The following PRKAA2 variants were observed in gnomAD, a reference collection of about 807,000 sequenced individuals.
The protein encoded by PRKAA2 is 5'-AMP-activated protein kinase catalytic subunit alpha-2.
A neutral mutation model predicts 56.3 loss-of-function variants in PRKAA2; 40 were observed. The ratio of observed to expected loss-of-function variants is 0.71; its 90% CI spans 0.55 to 0.92. The LOEUF (loss-of-function observed/expected upper bound fraction) is 0.92, where lower values mean the gene tolerates loss of function less well. Among genes scored for constraint, PRKAA2 ranks in the 40% least tolerant of loss-of-function variants. The pLI, the probability that PRKAA2 is intolerant of heterozygous loss-of-function variation, is 0.00. For synonymous variants in PRKAA2, 214 were observed against 234.2 expected, an observed-to-expected ratio of 0.91 and a Z score of 0.79; for missense variants, 542 against 686.9, an observed-to-expected ratio of 0.79 and a Z score of 2.36.
chr1:56,665,684 T>A (rs1270691575), intron 1 of PRKAA2, among the ~76,000 whole-genome samples: 1 of 152,236 alleles, frequency 6.6e-6, no homozygotes, highest in African/African-American at 2.4e-5. Flanking sequence ...GTTGCTGTAT[T>A]TCTTGACTAA....
intron 2 of PRKAA2, among the ~76,000 whole-genome samples, chr1:56,676,406 G>C (rs1343919362): frequency 2.0e-5 from 3 of 152,192 alleles, no homozygotes; most frequent in Admixed American, 6.5e-5. Flanking sequence ...TTCTGCGTTT[G>C]AAGATGGAGG....
intron 1 of PRKAA2, among the ~76,000 whole-genome samples, chr1:56,651,250 T>C (rs911606789): frequency 1.3e-5 from 2 of 152,204 alleles, no homozygotes; most frequent in Non-Finnish European, 2.9e-5. Context: ...GAAATGTAGA[T>C]GTAATGTAGA....
intron 2 of PRKAA2, among the ~76,000 whole-genome samples, chr1:56,682,888 A>C (rs181460963): frequency 6.6e-6 from 1 of 152,240 alleles, no homozygotes; most frequent in East Asian, 1.9e-4. Context: ...CAAGTACTTA[A>C]TAGCTGCATA....
chr1:56,667,042 G>T (rs1644041254), intron 1 of PRKAA2, among the ~76,000 whole-genome samples: 1 of 152,088 alleles, frequency 6.6e-6, no homozygotes, highest in East Asian at 1.9e-4. Flanking sequence ...TAATTACAGG[G>T]TATACAGAAG....
chr1:56,678,255 AT>A (rs1457475799), intron 2 of PRKAA2, among the ~76,000 whole-genome samples: 1 of 152,186 alleles, frequency 6.6e-6, no homozygotes, highest in Non-Finnish European at 1.5e-5. Flanking sequence ...ACACTCATGT[AT>A]TTTTGCTACA....
At chr1:56,678,222 A>G (rs551618993) in intron 2 of PRKAA2, among the ~76,000 whole-genome samples, 7 of 152,184 alleles carry the variant, frequency 4.6e-5, no homozygotes, top group Non-Finnish European at 8.8e-5. Context: ...TGATCTTAAA[A>G]CAAAAAACAA....
rs192253069 is a variant in PRKAA2, at chr1:56,698,349, A to G, written c.788+2190A>G. Among the ~76,000 whole-genome samples, 12 of 152,364 alleles carry G rather than the reference A, an allele frequency of 7.9e-5. No individual in the cohort carries two copies. The East Asian group carries it at 2.1e-3, about 27-fold the overall frequency. Reference sequence around the variant, plus strand: ...ATGTTATTGCATTGACTTTTCATATATAGCTATAAACCATTTTACAAACCA... The same window carrying G: ...ATGTTATTGCATTGACTTTTCATATGTAGCTATAAACCATTTTACAAACCA... On this transcript the variant is annotated intron_variant, in intron 6 of 8. Coordinates refer to ENST00000371244, the MANE Select transcript of PRKAA2 (RefSeq NM_006252.4).
intron 2 of PRKAA2, among the ~76,000 whole-genome samples, chr1:56,689,395 C>A (rs1644212302): frequency 6.6e-6 from 1 of 152,146 alleles, no homozygotes; most frequent in Non-Finnish European, 1.5e-5. Flanking sequence ...TGCCATGTTT[C>A]TTCCCAAAGA....
chr1:56,676,518 A>C lies in PRKAA2; in HGVS notation c.236+1996A>C, dbSNP rs570422360. Among the ~76,000 whole-genome samples, 11 of 152,352 alleles carry C rather than the reference A, an allele frequency of 7.2e-5. No individual in the cohort carries two copies. In the South Asian group the frequency reaches 2.3e-3, roughly 32 times the overall value. On this transcript the variant is annotated intron_variant, in intron 2 of 8. Coordinates refer to ENST00000371244, the MANE Select transcript of PRKAA2 (RefSeq NM_006252.4). Reference sequence around the variant, plus strand: ...CAGAAGGCAACACAGCTCTGCTGGCACCTTGATTTTAGCCCACTGAGACAT... The same window carrying C: ...CAGAAGGCAACACAGCTCTGCTGGCCCCTTGATTTTAGCCCACTGAGACAT...
intron 1 of PRKAA2, among the ~76,000 whole-genome samples, chr1:56,673,530 G>A (rs564236327): frequency 6.6e-6 from 1 of 152,256 alleles, no homozygotes; most frequent in South Asian, 2.1e-4. Flanking sequence ...AATGGGAGAG[G>A]TAGCTGACAA....
chr1:56,670,054 A>G (rs1157598996), intron 1 of PRKAA2, among the ~76,000 whole-genome samples: 1 of 152,218 alleles, frequency 6.6e-6, no homozygotes. Flanking sequence ...TTTAGGAAAA[A>G]CAAAATGAAC....
At chr1:56,666,328 T>C (rs1644035773) in intron 1 of PRKAA2, among the ~76,000 whole-genome samples, 1 of 152,274 alleles carries the variant, frequency 6.6e-6, no homozygotes, top group South Asian at 2.1e-4. Context: ...AACAGCAAAG[T>C]AGGTAATTAC....
Position 56,709,379 on chromosome 1 carries a change from T to C in PRKAA2, c.*1666T>C, listed in dbSNP as rs1158087773. 6.6e-6 allele frequency: 1 copy of C among 152,200 alleles called. No individual in the cohort carries two copies. Among genetic ancestry groups the C allele is most frequent in the African/African-American group, 2.4e-5 (1 of 41,458 alleles). The allele number at this position is 152,200 out of a possible 1,614,324, so 9.4% of individuals were successfully genotyped here. On this transcript the variant is annotated 3_prime_UTR_variant, in exon 9 of 9. Coordinates refer to ENST00000371244, the MANE Select transcript of PRKAA2 (RefSeq NM_006252.4). ...ATGTTAAATAACTTATAAGTCCAAC[T>C]TCTTAATATCAAGATAAATGAATAG... is the stretch of plus-strand genomic sequence containing the variant.
intron 5 of PRKAA2, among the ~76,000 whole-genome samples, chr1:56,695,162 C>T (rs1049996202): frequency 7.2e-6 from 1 of 138,762 alleles, no homozygotes; most frequent in Non-Finnish European, 1.5e-5. Flanking sequence ...AAATATCTCT[C>T]TCTCTATATA....
chr1:56,649,309 A>C (rs559007791), intron 1 of PRKAA2, among the ~76,000 whole-genome samples: 1 of 152,366 alleles, frequency 6.6e-6, no homozygotes, highest in East Asian at 1.9e-4. Context: ...TGTTGAATGC[A>C]GGTGCATTTT....
chr1:56,696,907 A>G (rs1644262145), intron 6 of PRKAA2, among the ~76,000 whole-genome samples: 1 of 151,148 alleles, frequency 6.6e-6, no homozygotes, highest in South Asian at 2.1e-4. Context: ...TGTTTCTTAG[A>G]GGTTTTTTCT....
At chr1:56,700,207 A>G (rs1644285229) in intron 6 of PRKAA2, among the ~76,000 whole-genome samples, 1 of 152,086 alleles carries the variant, frequency 6.6e-6, no homozygotes, top group African/African-American at 2.4e-5. Context: ...ATATATGGCT[A>G]CTGAAATCTC....
At position 56,708,008 on chromosome 1, in the gene PRKAA2, C is replaced by T. The variant is rs1401685642; in HGVS notation, c.*295C>T. 5.5e-6 allele frequency: 2 copies of T among 365,802 alleles called. No individual in the cohort carries two copies. Among genetic ancestry groups the T allele is most frequent in the Non-Finnish European group, 5.0e-6 (1 of 199,472 alleles). The allele number at this position is 365,802 out of a possible 1,614,324, so 22.7% of individuals were successfully genotyped here. A position where few individuals can be genotyped will look rare whatever the true frequency, so the allele number is the denominator to read the frequency against. ...ATGAGTTCACTACAGACGATTAACACACCACACTGGCGAACCATCTCAATG... is the reference window on the plus strand; with the variant it reads ...ATGAGTTCACTACAGACGATTAACATACCACACTGGCGAACCATCTCAATG... On this transcript the variant is annotated 3_prime_UTR_variant, in exon 9 of 9. Coordinates refer to ENST00000371244, the MANE Select transcript of PRKAA2 (RefSeq NM_006252.4).
intron 5 of PRKAA2, among the ~76,000 whole-genome samples, chr1:56,695,219 AG>A (rs1267162905): frequency 6.9e-6 from 1 of 145,796 alleles, no homozygotes; most frequent in Non-Finnish European, 1.5e-5. Context: ...GTTTTGAGAT[AG>A]AGTCTCGCTC....
Sources: gnomAD v4.1 joint callset for allele counts (sites outside exome capture counted in the v4.1 genomes callset) on GRCh38, gnomAD v4.1.1 for gene constraint, MANE v1.5 for transcripts, NCBI Gene and HGNC (gene_info 2026-07-23, HGNC 2026-07-21) for gene names.